Variants in PALS2 observed in about 807,000 individuals in gnomAD.
PALS2 encodes protein PALS2.
A neutral mutation model predicts 61.6 loss-of-function variants in PALS2; 27 were observed. The ratio of observed to expected loss-of-function variants is 0.44; its 90% CI spans 0.32 to 0.60. The LOEUF (loss-of-function observed/expected upper bound fraction) is 0.60. PALS2 is among the 20% of genes least tolerant of loss of function. The pLI, the probability that PALS2 is intolerant of heterozygous loss-of-function variation, is 0.05. For synonymous variants in PALS2, 236 were observed against 218.6 expected (o/e 1.08, Z -0.70); for missense variants, 554 against 639.4 (o/e 0.87, Z 1.44).
intron 1 of PALS2, among the ~76,000 whole-genome samples, chr7:24,580,645 A>G (rs1378867212): frequency 6.6e-6 from 1 of 152,222 alleles, no homozygotes; most frequent in East Asian, 1.9e-4. Context: ...TTTTCAGTAC[A>G]GAACAAATTA....
chr7:24,590,888 G>A (rs1326278614), intron 1 of PALS2, among the ~76,000 whole-genome samples: 1 of 137,352 alleles, frequency 7.3e-6, no homozygotes, highest in East Asian at 2.0e-4. Context: ...ATTTTATTTT[G>A]CATTTTTAGA....
At chr7:24,587,344 AAAT>A (rs765055071) in intron 1 of PALS2, among the ~76,000 whole-genome samples, 5 of 151,988 alleles carry the variant, frequency 3.3e-5, no homozygotes, top group Admixed American at 6.6e-5. Context: ...GGAACTGAGA[AAAT>A]AAAGATACTA....
At chr7:24,617,376 A>G (rs1267932233) in intron 1 of PALS2, among the ~76,000 whole-genome samples, 2 of 152,138 alleles carry the variant, frequency 1.3e-5, no homozygotes, top group South Asian at 2.1e-4. Flanking sequence ...GATATTTTGT[A>G]TATTTCCTAA....
Position 24,691,414 on chromosome 7 carries a change from T to TGTGC in PALS2, c.*3800_*3801insGTGC, listed in dbSNP as rs1788467885. ...ATGTGTGTGTGTGTGTGTATATATA[T>TGTGC]ATATATATATATATATATATATATA... On this transcript the variant is annotated 3_prime_UTR_variant, in exon 12 of 12. Coordinates refer to ENST00000222644, the MANE Select transcript of PALS2 (RefSeq NM_001303037.2). The TGTGC allele has an allele frequency of 9.8e-6, 1 of 101,654 alleles. No homozygotes were observed. Among genetic ancestry groups the TGTGC allele is most frequent in the African/African-American group, 3.3e-5 (1 of 29,942 alleles). The allele number at this position is 101,654 out of a possible 1,614,324, so 6.3% of individuals were successfully genotyped here.
At chr7:24,650,457 T>C (rs770005635) in intron 4 of PALS2, 28 bp from the exon 5 acceptor site, 3 of 1,489,196 alleles carry the variant, frequency 2.0e-6, no homozygotes, top group South Asian at 1.3e-5. Flanking sequence ...TAATAATTAA[T>C]GAGAAATCTG....
At chr7:24,593,720 A>C (rs1783388703) in intron 1 of PALS2, among the ~76,000 whole-genome samples, 1 of 152,114 alleles carries the variant, frequency 6.6e-6, no homozygotes, top group Non-Finnish European at 1.5e-5. Flanking sequence ...AGTATGTCTC[A>C]ACAGTGGACT....
intron 2 of PALS2, among the ~76,000 whole-genome samples, chr7:24,629,521 G>A (rs1286965545): frequency 6.6e-6 from 1 of 152,060 alleles, no homozygotes; most frequent in Non-Finnish European, 1.5e-5. Flanking sequence ...CACAACAAAA[G>A]AAACTATCAT....
chr7:24,653,382 T>G (rs1193728120), intron 5 of PALS2, among the ~76,000 whole-genome samples: 2 of 108,930 alleles, frequency 1.8e-5, no homozygotes, highest in African/African-American at 9.2e-5. Flanking sequence ...GGAAAAGCCT[T>G]AATTTTATTA....
At chr7:24,641,178 G>A (rs930530030) in intron 2 of PALS2, among the ~76,000 whole-genome samples, 16 of 151,868 alleles carry the variant, frequency 1.1e-4, no homozygotes, top group Admixed American at 4.6e-4. Context: ...CAGTTTAAGG[G>A]CCACTTGCTC....
At chr7:24,671,710 TTGTGTCAAA>T (rs922695695) in intron 9 of PALS2, among the ~76,000 whole-genome samples, 3 of 152,172 alleles carry the variant, frequency 2.0e-5, no homozygotes, top group Admixed American at 6.5e-5. Flanking sequence ...GTGTTCATTT[TTGTGTCAAA>T]TGTGAGGAGG....
In PALS2 at chr7:24,687,675, C is replaced by G; in HGVS notation, c.*61C>G. On this transcript the variant is annotated 3_prime_UTR_variant, in exon 12 of 12. Coordinates refer to ENST00000222644, the MANE Select transcript of PALS2 (RefSeq NM_001303037.2). The surrounding 1 kb of genome is among the most constrained non-coding windows in gnomAD (Gnocchi z 4.5). ...TAAAAAGTGACTGCAACAAATAAAC[C>G]TTCTACTGAGAAAATACATCACAGA... The G allele has an allele frequency of 1.4e-6, 2 of 1,463,406 alleles. No homozygotes were observed. The highest frequency in any genetic ancestry group is 9.2e-7 in the Non-Finnish European group (1 of 1,088,448). 90.7% of individuals were successfully genotyped at this position (1,463,406 alleles called of 1,614,324 possible).
chr7:24,671,939 T>G lies in PALS2; in HGVS notation c.1114+3279T>G, dbSNP rs535888610. ...GCCAGTCCCACATTGTCTCGATTAC[T>G]GTATATTTGTATTAAGTTTCAAAAC... On this transcript the variant is annotated intron_variant, in intron 9 of 11. Coordinates refer to ENST00000222644, the MANE Select transcript of PALS2 (RefSeq NM_001303037.2). Among the ~76,000 whole-genome samples the G allele has an allele frequency of 1.1e-3, 168 of 151,974 alleles. 2 individuals carry two copies. Among genetic ancestry groups the G allele is most frequent in the Non-Finnish European group, 1.9e-4 (13 of 67,966 alleles).
intron 2 of PALS2, among the ~76,000 whole-genome samples, chr7:24,639,867 A>C (rs994304147): frequency 9.2e-4 from 116 of 125,844 alleles, no homozygotes; most frequent in African/African-American, 3.5e-3. Flanking sequence ...CCCACGCTGG[A>C]GTGCAGTGGC....
At chr7:24,583,142 T>C (rs140741305) in intron 1 of PALS2, among the ~76,000 whole-genome samples, 7,941 of 152,064 alleles carry the variant, frequency 0.052, 272 homozygotes, top group African/African-American at 0.089. Flanking sequence ...CTGCCTGCCT[T>C]GGCCTCCCAA....
intron 2 of PALS2, among the ~76,000 whole-genome samples, chr7:24,635,655 A>G (rs1248301043): frequency 6.6e-6 from 1 of 152,218 alleles, no homozygotes; most frequent in Admixed American, 6.5e-5. Flanking sequence ...ATCTTTCACT[A>G]GTAAATATAA....
At chr7:24,647,157 T>A (rs1048092181) in intron 3 of PALS2, among the ~76,000 whole-genome samples, 1 of 151,208 alleles carries the variant, frequency 6.6e-6, no homozygotes, top group African/African-American at 2.4e-5. Flanking sequence ...ATTAATTTTT[T>A]TTTTTTTTTG....
At chr7:24,611,985 A>C (rs755352824) in intron 1 of PALS2, among the ~76,000 whole-genome samples, 1 of 152,018 alleles carries the variant, frequency 6.6e-6, no homozygotes, top group Non-Finnish European at 1.5e-5. Context: ...TGATGGAAAG[A>C]AACTGATAGA....
At chr7:24,634,088 T>C (rs888511806) in intron 2 of PALS2, among the ~76,000 whole-genome samples, 1 of 133,628 alleles carries the variant, frequency 7.5e-6, no homozygotes, top group Admixed American at 7.1e-5. Context: ...ATTTTTATTA[T>C]GAAGTTGTGA....
intron 2 of PALS2, among the ~76,000 whole-genome samples, chr7:24,630,449 G>A (rs560511304): frequency 2.0e-5 from 3 of 152,106 alleles, no homozygotes; most frequent in African/African-American, 7.2e-5. Context: ...AAACATGCAC[G>A]TTCTGTACAT....
Sources: gnomAD v4.1 joint callset for allele counts (sites outside exome capture counted in the v4.1 genomes callset) on GRCh38, gnomAD v4.1.1 for gene constraint, Gnocchi (gnomAD v3.1) non-coding constraint, MANE v1.5 for transcripts, NCBI Gene and HGNC (gene_info 2026-07-23, HGNC 2026-07-21) for gene names.